NXPE2: variants seen among roughly 807,000 people sequenced by gnomAD.
The protein encoded by NXPE2 is NXPE family member 2.
Under a neutral mutation model 34.4 loss-of-function variants are expected in NXPE2, and 34 were observed. The observed-to-expected ratio is 0.99, with a 90% CI of 0.75 to 1.31. The LOEUF (loss-of-function observed/expected upper bound fraction) is 1.31, where lower values mean the gene tolerates loss of function less well. Among genes scored for constraint, NXPE2 ranks in the 40% most tolerant of loss-of-function variants. The pLI is 0.00. For synonymous variants in NXPE2, 235 were observed against 231.3 expected, an observed-to-expected ratio of 1.02 and a Z score of -0.15; for missense variants, 649 against 672.5, an observed-to-expected ratio of 0.97 and a Z score of 0.39.
At chr11:114,532,746 AG>A in the NXPE2 span, among the ~76,000 whole-genome samples, 1 of 152,182 alleles carries the variant, frequency 6.6e-6, no homozygotes, top group African/African-American at 2.4e-5. Context: ...TACATATAAA[AG>A]TATATAGGTA....
At chr11:114,736,212 C>G in the NXPE2 span, among the ~76,000 whole-genome samples, 1 of 152,164 alleles carries the variant, frequency 6.6e-6, no homozygotes, top group African/African-American at 2.4e-5. Flanking sequence ...TATCAGGAGA[C>G]AGGGTTTGAG....
chr11:114,670,252 T>C, the NXPE2 span, among the ~76,000 whole-genome samples: 1 of 152,002 alleles, frequency 6.6e-6, no homozygotes, highest in East Asian at 1.9e-4. Context: ...GAAATCAAAA[T>C]AAGACATGGT....
At chr11:114,681,788 C>A (rs1379976401) in intron 2 of NXPE2, among the ~76,000 whole-genome samples, 1 of 152,076 alleles carries the variant, frequency 6.6e-6, no homozygotes, top group African/African-American at 2.4e-5. Flanking sequence ...AACCAAACAC[C>A]ATTTTATATT....
intron 3 of NXPE2, among the ~76,000 whole-genome samples, chr11:114,700,809 T>A (rs1951352064): frequency 6.6e-6 from 1 of 152,204 alleles, no homozygotes; most frequent in Non-Finnish European, 1.5e-5. Flanking sequence ...CCCAAATTTA[T>A]TTGGCCACAG....
At chr11:114,633,678 T>G in the NXPE2 span, among the ~76,000 whole-genome samples, 27 of 147,772 alleles carry the variant, frequency 1.8e-4, no homozygotes, top group Non-Finnish European at 7.5e-5. Flanking sequence ...TGTGTTCTCA[T>G]TGTTCAATTC....
chr11:114,505,768 A>G, the NXPE2 span, among the ~76,000 whole-genome samples: 2 of 152,180 alleles, frequency 1.3e-5, no homozygotes, highest in Non-Finnish European at 2.9e-5. Context: ...ACTAAAAAAC[A>G]CACTGAAGTA....
the NXPE2 span, among the ~76,000 whole-genome samples, chr11:114,780,958 T>C: frequency 2.6e-5 from 4 of 151,758 alleles, no homozygotes; most frequent in Non-Finnish European, 1.5e-5. Flanking sequence ...AGTGAGGGAG[T>C]GCAGCGGCGT....
intron 5 of NXPE2, among the ~76,000 whole-genome samples, 187 bp from the exon 6 acceptor site, chr11:114,706,208 A>G (rs901337677): frequency 1.3e-5 from 2 of 151,362 alleles, no homozygotes; most frequent in African/African-American, 4.9e-5. Context: ...CTTCCTCTTC[A>G]TGTATTCTCA....
the NXPE2 span, among the ~76,000 whole-genome samples, chr11:114,655,526 T>C: frequency 1.3e-5 from 2 of 152,170 alleles, no homozygotes; most frequent in Non-Finnish European, 2.9e-5. Flanking sequence ...AGGGTCCAGT[T>C]TCAGTTTTCT....
the NXPE2 span, among the ~76,000 whole-genome samples, chr11:114,640,907 C>G: frequency 6.6e-6 from 1 of 151,860 alleles, no homozygotes; most frequent in Non-Finnish European, 1.5e-5. Flanking sequence ...TGTAGGTTTC[C>G]TGTTTTCTCT....
chr11:114,681,651 A>AT (rs922068862), intron 2 of NXPE2, among the ~76,000 whole-genome samples: 1 of 151,982 alleles, frequency 6.6e-6, no homozygotes, highest in African/African-American at 2.4e-5. Flanking sequence ...ACTCTGTTTG[A>AT]TTTTTTTAAC....
chr11:114,480,033 C>T, the NXPE2 span, among the ~76,000 whole-genome samples: 38 of 152,128 alleles, frequency 2.5e-4, no homozygotes, highest in Non-Finnish European at 4.4e-5. Context: ...TCACTCATTA[C>T]TGTGGGGAGC....
At chr11:114,586,678 C>T in the NXPE2 span, among the ~76,000 whole-genome samples, 3 of 152,116 alleles carry the variant, frequency 2.0e-5, no homozygotes, top group East Asian at 3.9e-4. Flanking sequence ...CAGGGAGACA[C>T]CCTGGTGTTA....
At chr11:114,791,203 G>A in the NXPE2 span, among the ~76,000 whole-genome samples, 36 of 152,010 alleles carry the variant, frequency 2.4e-4, 2 homozygotes, top group African/African-American at 8.4e-4. Flanking sequence ...AAGGGTGAGA[G>A]AAGGGTGGAA....
At chr11:114,560,571 C>T in the NXPE2 span, among the ~76,000 whole-genome samples, 1 of 151,996 alleles carries the variant, frequency 6.6e-6, no homozygotes, top group Admixed American at 6.5e-5. Flanking sequence ...CCAGCTGGAT[C>T]TTTTATCGGT....
the NXPE2 span, chr11:114,551,002 G>C: frequency 6.7e-5 from 43 of 645,642 alleles, no homozygotes; most frequent in Admixed American, 9.8e-4. Context: ...TAGTTGAGGT[G>C]GGGGAGGAGG....
downstream of NXPE2, among the ~76,000 whole-genome samples, chr11:114,709,379 T>C (rs910416986): frequency 2.0e-5 from 3 of 152,256 alleles, no homozygotes; most frequent in African/African-American, 7.2e-5. Flanking sequence ...GTGTCAAGTC[T>C]CTGACTTTTA....
At chr11:114,719,200 T>C in the NXPE2 span, among the ~76,000 whole-genome samples, 2 of 152,072 alleles carry the variant, frequency 1.3e-5, no homozygotes, top group East Asian at 3.8e-4. Flanking sequence ...ACTGCCAACA[T>C]GTGAGATAAA....
the NXPE2 span, among the ~76,000 whole-genome samples, chr11:114,577,678 A>G: frequency 6.6e-6 from 1 of 152,160 alleles, no homozygotes; most frequent in Non-Finnish European, 1.5e-5. Flanking sequence ...TTGGAGGATT[A>G]TGTGGTCAGT....
Sources: gnomAD v4.1 joint callset for allele counts (sites outside exome capture counted in the v4.1 genomes callset) on GRCh38, gnomAD v4.1.1 for gene constraint, MANE v1.5 for transcripts, NCBI Gene and HGNC (gene_info 2026-07-23, HGNC 2026-07-21) for gene names.